Variants in DDX6 observed in about 807,000 individuals in gnomAD.
DDX6 encodes the protein DEAD-box helicase 6.
A neutral mutation model predicts 60.6 loss-of-function variants in DDX6; 7 were observed. The observed-to-expected ratio is 0.12, with a 90% confidence interval of 0.07 to 0.22. The LOEUF is 0.22. Ranked by LOEUF, DDX6 falls within the 10% of genes least tolerant of loss-of-function variation. DDX6 has a pLI of 1.00. For synonymous variants in DDX6, 207 were observed against 201.0 expected (o/e 1.03, Z -0.25); for missense variants, 270 against 589.9 (o/e 0.46, Z 5.62).
chr11:118,766,662 C>T (rs1298207807), intron 5 of DDX6, among the ~76,000 whole-genome samples: 2 of 151,916 alleles, frequency 1.3e-5, no homozygotes, highest in African/African-American at 4.8e-5. Flanking sequence ...GCTGCCATCT[C>T]GGCCCACTGC....
At chr11:118,779,796 CT>C in intron 3 of DDX6, 60 bp from the exon 4 acceptor site, 1 of 1,301,600 alleles carries the variant, frequency 7.7e-7, no homozygotes, top group Non-Finnish European at 1.1e-6. Flanking sequence ...ATTTGGTGTC[CT>C]TTGGTAAATT....
chr11:118,757,595 A>ATT (rs150666999), intron 9 of DDX6, among the ~76,000 whole-genome samples: 12 of 149,696 alleles, frequency 8.0e-5, no homozygotes, highest in Admixed American at 3.3e-4. Flanking sequence ...ATTTTATTTT[A>ATT]TTTTTTTTTT....
chr11:118,750,970 G>T lies in DDX6; in HGVS notation c.*1135C>A, dbSNP rs1555157087. ...AAAGTACTTTCTAGAATTTAGTGTT[G>T]CGTAAAACTGAGCCCCTCTCATCTT... On this transcript the variant is annotated 3_prime_UTR_variant, in exon 14 of 14. Transcript: ENST00000534980. 1.3e-5 allele frequency: 2 copies of T among 151,578 alleles called. No individual in the cohort carries two copies. The highest frequency in any genetic ancestry group is 4.9e-5 in the African/African-American group (2 of 41,052). 9.4% of individuals were successfully genotyped at this position (151,578 alleles called of 1,614,324 possible).
Position 118,749,243 on chromosome 11 carries a change from ATG to A in DDX6, c.*2860_*2861del, listed in dbSNP as rs1405351953. Reference sequence around the variant, plus strand: ...AAAATAGAGGGTAGTTCTCATCCAAATGAGCCACTGGAAAATATTATCATTAC... The same window carrying A: ...AAAATAGAGGGTAGTTCTCATCCAAAAGCCACTGGAAAATATTATCATTAC... On this transcript the variant is annotated 3_prime_UTR_variant, in exon 14 of 14. Transcript: ENST00000534980. 1.1e-4 allele frequency: 17 copies of A among 151,550 alleles called. No homozygotes were observed. Among genetic ancestry groups the A allele is most frequent in the African/African-American group, 4.1e-4 (17 of 41,322 alleles). 9.4% of individuals were successfully genotyped at this position (151,550 alleles called of 1,614,324 possible). A position where few individuals can be genotyped will look rare whatever the true frequency, so the allele number is the denominator to read the frequency against.
intron 4 of DDX6, among the ~76,000 whole-genome samples, chr11:118,774,038 C>T (rs1348490175): frequency 6.6e-6 from 1 of 152,114 alleles, no homozygotes; most frequent in Non-Finnish European, 1.5e-5. Flanking sequence ...CCTTAGCTGA[C>T]CTGGCACAAA....
chr11:118,775,363 A>C (rs988344492), intron 4 of DDX6, among the ~76,000 whole-genome samples: 8 of 152,116 alleles, frequency 5.3e-5, no homozygotes, highest in African/African-American at 9.7e-5. Context: ...CTGTTCCCCC[A>C]AAAAACCTAT....
intron 4 of DDX6, among the ~76,000 whole-genome samples, chr11:118,775,535 G>A (rs1281444046): frequency 1.3e-5 from 2 of 151,568 alleles, no homozygotes; most frequent in Non-Finnish European, 2.9e-5. Context: ...AAAGAAAAAG[G>A]CAATAAAAAA....
At chr11:118,776,314 A>G (rs1861697437) in intron 4 of DDX6, among the ~76,000 whole-genome samples, 1 of 152,168 alleles carries the variant, frequency 6.6e-6, no homozygotes, top group African/African-American at 2.4e-5. Flanking sequence ...GTATTATACT[A>G]TTACCTCAAT....
At chr11:118,774,933 T>C (rs1861649188) in intron 4 of DDX6, among the ~76,000 whole-genome samples, 1 of 152,016 alleles carries the variant, frequency 6.6e-6, no homozygotes, top group Non-Finnish European at 1.5e-5. Context: ...TAGATAAGAA[T>C]GGAAAGAATA....
At chr11:118,781,636 T>C (rs1861903717) in intron 2 of DDX6, among the ~76,000 whole-genome samples, 1 of 152,166 alleles carries the variant, frequency 6.6e-6, no homozygotes, top group South Asian at 2.1e-4. Flanking sequence ...ATTTTTAAAA[T>C]AGGTTAACAG....
At position 118,759,985 on chromosome 11, in the gene DDX6, T is replaced by C. The variant is rs1555159811; in HGVS notation, c.801A>G (p.Leu267=). ...ATAGTAAAATCTGCCTGTTTTTAGGTAGCGTGAGAATAATATCCTCCATTA... is the reference window on the plus strand; with the variant it reads ...ATAGTAAAATCTGCCTGTTTTTAGGCAGCGTGAGAATAATATCCTCCATTA... The part of the protein sequence containing the change: ...VQIMEDIILT[L]PKNRQILLYS... Residue 267 remains leucine, a synonymous_variant, in exon 8 of 14, where the codon CTA becomes CTG. Coordinates refer to ENST00000534980, the MANE Select transcript of DDX6 (RefSeq NM_004397.6). 2 of 1,613,534 alleles carry C rather than the reference T, an allele frequency of 1.2e-6. No individual in the cohort carries two copies. Among genetic ancestry groups the C allele is most frequent in the Non-Finnish European group, 1.7e-6 (2 of 1,179,738 alleles).
chr11:118,759,042 T>C (rs1861075317), intron 8 of DDX6, 140 bp from the exon 9 acceptor site: 3 of 1,131,164 alleles, frequency 2.7e-6, no homozygotes, highest in Non-Finnish European at 3.7e-6. Flanking sequence ...ACAAAATATA[T>C]GATCTGTCAT....
chr11:118,762,809 T>C (rs1555160526), intron 7 of DDX6, among the ~76,000 whole-genome samples: 1 of 152,184 alleles, frequency 6.6e-6, no homozygotes, highest in African/African-American at 2.4e-5. Context: ...ATTTATAACA[T>C]GGTGAGATAA....
rs1056538178 is a variant in DDX6, at chr11:118,748,949, G to A, written c.*3156C>T. 12 of 152,050 alleles carry A rather than the reference G, an allele frequency of 7.9e-5. No homozygotes were observed. The highest frequency in any genetic ancestry group is 2.9e-4 in the African/African-American group (12 of 41,372). The allele number at this position is 152,050 out of a possible 1,614,324, so 9.4% of individuals were successfully genotyped here. ...CCAAGCCCACCCTCCAACCCTTTGGGGCCAACCCATTTTATGCTGCTGGGA... is the reference window on the plus strand; with the variant it reads ...CCAAGCCCACCCTCCAACCCTTTGGAGCCAACCCATTTTATGCTGCTGGGA... On this transcript the variant is annotated 3_prime_UTR_variant, in exon 14 of 14. Transcript: ENST00000534980.
Position 118,751,961 on chromosome 11 carries a change from TAAAAAA to T in DDX6, c.*138_*143del, listed in dbSNP as rs545932110. 1 of 396,396 alleles carries T rather than the reference TAAAAAA, an allele frequency of 2.5e-6. No homozygotes were observed. The highest frequency in any genetic ancestry group is 4.9e-6 in the Non-Finnish European group (1 of 203,796). 24.6% of individuals were successfully genotyped at this position (396,396 alleles called of 1,614,324 possible). A position where few individuals can be genotyped will look rare whatever the true frequency, so the allele number is the denominator to read the frequency against. ...TTTCAGCCTTTTTCTCTTCACCAGT[TAAAAAA>T]AGAAAATGTCTGAGCTCTTTTAAGT... On this transcript the variant is annotated 3_prime_UTR_variant, in exon 14 of 14. Transcript: ENST00000534980.
chr11:118,786,414 T>C lies in DDX6; in HGVS notation c.-163A>G, dbSNP rs1372025850. The C allele has an allele frequency of 3.9e-6, 2 of 513,172 alleles. No homozygotes were observed. Among genetic ancestry groups the C allele is most frequent in the African/African-American group, 1.9e-5 (1 of 51,376 alleles). 31.8% of individuals were successfully genotyped at this position (513,172 alleles called of 1,614,324 possible). ...ATGCAGGCAAGCACCTGTAAGTCTC[T>C]GAACGGTAAGCAGCAGTAACTTGCT... On this transcript the variant is annotated 5_prime_UTR_variant, in exon 2 of 14. Transcript: ENST00000534980.
rs386375042 is a variant in DDX6, at chr11:118,749,358, G to GAAAAAAAAAAAAA, written c.*2734_*2746dup. ...TTATTATGAGGGCCCAAAAAAGAAA[G>GAAAAAAAAAAAAA]AAAAAAAAAAAAAAAAAAAAAAAGA... On this transcript the variant is annotated 3_prime_UTR_variant, in exon 14 of 14. Transcript: ENST00000534980. The GAAAAAAAAAAAAA allele has an allele frequency of 1.4e-4, 13 of 91,756 alleles. No individual in the cohort carries two copies. The highest frequency in any genetic ancestry group is 1.7e-4 in the African/African-American group (4 of 23,770). The allele number at this position is 91,756 out of a possible 1,614,324, so 5.7% of individuals were successfully genotyped here.
At chr11:118,764,048 T>C (rs1232072849) in intron 6 of DDX6, among the ~76,000 whole-genome samples, 21 of 152,080 alleles carry the variant, frequency 1.4e-4, no homozygotes, top group Non-Finnish European at 8.8e-5. Context: ...TTTCTTGTCT[T>C]AGGATAATTC....
rs1860772267 is a variant in DDX6, at chr11:118,751,585, C to T, written c.*520G>A. On this transcript the variant is annotated 3_prime_UTR_variant, in exon 14 of 14. Coordinates refer to ENST00000534980, the MANE Select transcript of DDX6 (RefSeq NM_004397.6). ...AAAAAAAAACGGAAAGAAAGAGTTA[C>T]TATTGTTGATTCCTCGGGCTGTGTC... The T allele has an allele frequency of 6.5e-6, 1 of 153,238 alleles. No homozygotes were observed. The highest frequency in any genetic ancestry group is 1.5e-5 in the Non-Finnish European group (1 of 68,478). The allele number at this position is 153,238 out of a possible 1,614,324, so 9.5% of individuals were successfully genotyped here.
Sources: gnomAD v4.1 joint callset for allele counts (sites outside exome capture counted in the v4.1 genomes callset) on GRCh38, gnomAD v4.1.1 for gene constraint, MANE v1.5 for transcripts, NCBI Gene and HGNC (gene_info 2026-07-23, HGNC 2026-07-21) for gene names.